The following DPY19L1 variants were observed in gnomAD, a reference collection of about 807,000 sequenced individuals.
DPY19L1 encodes the protein protein C-mannosyl-transferase DPY19L1.
DPY19L1 carries 35 observed loss-of-function variants against 96.9 expected under a neutral mutation model. That is an observed-to-expected ratio of 0.36 (90% confidence interval 0.28 to 0.48). DPY19L1 has a LOEUF of 0.48. Among genes scored for constraint, DPY19L1 ranks in the 20% least tolerant of loss-of-function variants. The probability of loss-of-function intolerance (pLI) is 0.99; values close to 1 mark genes in which losing one functional copy is unlikely to be tolerated. For missense variants in DPY19L1, 521 were observed against 777.9 expected, an observed-to-expected ratio of 0.67 and a Z score of 3.93; for synonymous variants, 205 against 252.6, an observed-to-expected ratio of 0.81 and a Z score of 1.79.
At chr7:35,017,455 A>C (rs1221969986) in intron 3 of DPY19L1, among the ~76,000 whole-genome samples, 140 of 140,472 alleles carry the variant, frequency 1.0e-3, no homozygotes, top group African/African-American at 3.7e-3. Flanking sequence ...AGATTGTGCC[A>C]CTGCAGTCCG....
At chr7:34,939,200 T>C in intron 20 of DPY19L1, 76 bp downstream of exon 20, 1 of 1,283,644 alleles carries the variant, frequency 7.8e-7, no homozygotes, top group South Asian at 1.4e-5. Flanking sequence ...CATTCCTTAT[T>C]ACTTTGCTGG....
intron 20 of DPY19L1, among the ~76,000 whole-genome samples, chr7:34,938,557 G>GA (rs929872697): frequency 1.3e-5 from 2 of 152,062 alleles, no homozygotes; most frequent in Non-Finnish European, 1.5e-5. Context: ...CTAGATTTAA[G>GA]AAAAACTAAA....
At position 34,931,654 on chromosome 7, in the gene DPY19L1, G is replaced by C. The variant is rs759355874; in HGVS notation, c.2166C>G (p.Leu722=). Residue 722 remains leucine (L), a synonymous_variant, in exon 22 of 22, where the codon CTC becomes CTG. Coordinates refer to ENST00000638088, the MANE Select transcript of DPY19L1 (RefSeq NM_001366673.1). ...AGTGAGGTTTGGAATCCTTCACCAA[G>C]AGGTTACATAAGGGAGTTTTCCCAG... The part of the protein sequence containing the change: ...ANAGKTPLCN[L]LVKDSKPHFT... The C allele has an allele frequency of 1.9e-6, 3 of 1,600,214 alleles. No individual in the cohort carries two copies. Among genetic ancestry groups the C allele is most frequent in the Non-Finnish European group, 2.6e-6 (3 of 1,174,230 alleles).
rs781371216 is a variant in DPY19L1, at chr7:34,947,677, A to G, written c.1447T>C (p.Leu483=). The change falls in exon 15 of 22, where the codon TTA becomes CTA. Residue 483 remains leucine (L), a synonymous_variant. Transcript: ENST00000638088. ...KETPLRYTKT[L]LLPVVLVVFV... ...ACTACAAGAACAACTGGAAGCAATAATGTCTTTGTGTATCTCAGTGGAGTC... is the reference window on the plus strand; with the variant it reads ...ACTACAAGAACAACTGGAAGCAATAGTGTCTTTGTGTATCTCAGTGGAGTC... The G allele has an allele frequency of 6.2e-7, 1 of 1,612,616 alleles. No individual in the cohort carries two copies. Among genetic ancestry groups the G allele is most frequent in the Non-Finnish European group, 8.5e-7 (1 of 1,179,206 alleles).
rs1292154112 is a variant in DPY19L1 at position 34,931,441 on chromosome 7, G to C, written c.*132C>G. On this transcript the variant is annotated 3_prime_UTR_variant, in exon 22 of 22. Transcript: ENST00000638088. ...TTATAATTAGAATGACATTCAAATT[G>C]ACCAAATAAAACGTTTTCTATTTGA... The C allele has an allele frequency of 8.1e-7, 1 of 1,227,366 alleles. No homozygotes were observed. The highest frequency in any genetic ancestry group is 3.0e-5 in the Admixed American group (1 of 33,692). 76.0% of individuals were successfully genotyped at this position (1,227,366 alleles called of 1,614,324 possible). A position where few individuals can be genotyped will look rare whatever the true frequency, so the allele number is the denominator to read the frequency against.
At chr7:35,036,002 G>A (rs1196194398) in intron 1 of DPY19L1, among the ~76,000 whole-genome samples, 2 of 150,960 alleles carry the variant, frequency 1.3e-5, no homozygotes, top group Admixed American at 1.3e-4. Flanking sequence ...AATCGGCAAT[G>A]GGGGGAAAAA....
intron 7 of DPY19L1, among the ~76,000 whole-genome samples, chr7:34,985,947 C>T (rs1378163030): frequency 6.6e-6 from 1 of 151,866 alleles, no homozygotes; most frequent in East Asian, 1.9e-4. Flanking sequence ...ATTTGCTATA[C>T]ATACACAACG....
chr7:35,037,522 T>A, upstream of DPY19L1: 1 of 310,854 alleles, frequency 3.2e-6, no homozygotes. Context: ...GGCGGGCTCG[T>A]CCCTCCCCGC....
intron 7 of DPY19L1, among the ~76,000 whole-genome samples, chr7:34,980,455 C>A (rs1476705863): frequency 6.6e-6 from 1 of 151,726 alleles, no homozygotes; most frequent in Non-Finnish European, 1.5e-5. Context: ...CATCAAAAAA[C>A]CTCAAAAAGA....
intron 20 of DPY19L1, 39 bp downstream of exon 20, chr7:34,939,237 T>C: frequency 6.4e-7 from 1 of 1,562,220 alleles, no homozygotes; most frequent in Non-Finnish European, 8.8e-7. Context: ...TCTGTTTGCA[T>C]GGGAGGTTTG....
chr7:34,985,092 G>A (rs762798418), intron 7 of DPY19L1, among the ~76,000 whole-genome samples: 1 of 152,088 alleles, frequency 6.6e-6, no homozygotes, highest in Non-Finnish European at 1.5e-5. Flanking sequence ...CGAAGTAAGA[G>A]GTCCACAAAT....
chr7:35,036,868 G>A (rs1786415608), intron 1 of DPY19L1, among the ~76,000 whole-genome samples: 1 of 151,956 alleles, frequency 6.6e-6, no homozygotes, highest in South Asian at 2.1e-4. Flanking sequence ...CAGGCAGAGC[G>A]CGGGTGGGAA....
intron 6 of DPY19L1, among the ~76,000 whole-genome samples, chr7:34,990,221 T>A (rs1349773036): frequency 6.6e-6 from 1 of 152,262 alleles, no homozygotes; most frequent in South Asian, 2.1e-4. Flanking sequence ...GTAGTCATAT[T>A]ACTGTACATC....
At chr7:34,942,522 T>A in intron 17 of DPY19L1, 93 bp downstream of exon 17, 1 of 1,012,022 alleles carries the variant, frequency 9.9e-7, no homozygotes, top group Non-Finnish European at 1.5e-6. Context: ...TTGCTGACAA[T>A]TGCCAACAAA....
chr7:35,007,959 G>C (rs1372248328), intron 6 of DPY19L1, among the ~76,000 whole-genome samples: 1 of 151,914 alleles, frequency 6.6e-6, no homozygotes, highest in Admixed American at 6.6e-5. Flanking sequence ...TCATCATCCA[G>C]CACAACCTCT....
chr7:34,934,282 T>G (rs1270545508), intron 21 of DPY19L1, among the ~76,000 whole-genome samples: 1 of 152,188 alleles, frequency 6.6e-6, no homozygotes, highest in Non-Finnish European at 1.5e-5. Context: ...CTATTAGTTC[T>G]GTCCCTCTGG....
intron 9 of DPY19L1, among the ~76,000 whole-genome samples, chr7:34,967,989 A>G: frequency 6.6e-6 from 1 of 152,094 alleles, no homozygotes; most frequent in East Asian, 1.9e-4. Flanking sequence ...CCTGACCCTT[A>G]CCTCCACAAA....
At chr7:34,957,910 C>G (rs1784412353) in intron 11 of DPY19L1, 74 bp downstream of exon 11, 1 of 955,484 alleles carries the variant, frequency 1.0e-6, no homozygotes, top group Admixed American at 2.9e-5. Flanking sequence ...CCTGATGAAT[C>G]CTAAGCCAGT....
chr7:34,978,321 C>A (rs1467823669), intron 7 of DPY19L1, among the ~76,000 whole-genome samples: 2 of 152,118 alleles, frequency 1.3e-5, no homozygotes, highest in South Asian at 2.1e-4. Context: ...CCCACCTCTG[C>A]CTGCTGCTTT....
Sources: gnomAD v4.1 joint callset for allele counts (sites outside exome capture counted in the v4.1 genomes callset) on GRCh38, gnomAD v4.1.1 for gene constraint, MANE v1.5 for transcripts, NCBI Gene and HGNC (gene_info 2026-07-23, HGNC 2026-07-21) for gene names.